The following CHODL variants were observed in gnomAD, a reference collection of about 807,000 sequenced individuals.
CHODL encodes the protein transmembrane protein MT75.
CHODL carries 29 observed loss-of-function variants against 34.5 expected under a neutral mutation model. That is an observed-to-expected ratio of 0.84 (90% CI 0.63 to 1.15). CHODL has a LOEUF of 1.15. Among genes scored for constraint, CHODL ranks in the 50% most tolerant of loss-of-function variants. The pLI is 0.00. For synonymous variants in CHODL, 125 were observed against 116.1 expected, an observed-to-expected ratio of 1.08 and a Z score of -0.49; for missense variants, 332 against 332.5, an observed-to-expected ratio of 1.00 and a Z score of 0.01.
chr21:18,065,550 G>T (rs543714884), intron 2 of CHODL, among the ~76,000 whole-genome samples: 7 of 152,110 alleles, frequency 4.6e-5, no homozygotes, highest in Non-Finnish European at 8.8e-5. Flanking sequence ...TAATAAGAAG[G>T]GAAGGATTTT....
intron 2 of CHODL, among the ~76,000 whole-genome samples, chr21:18,070,918 C>A (rs186744825): frequency 1.3e-5 from 2 of 151,320 alleles, no homozygotes; most frequent in East Asian, 3.9e-4. Context: ...CAATTATGTT[C>A]TCTTCCTGCA....
At chr21:17,967,349 A>G (rs1396180484) in intron 1 of CHODL, among the ~76,000 whole-genome samples, 2 of 152,340 alleles carry the variant, frequency 1.3e-5, no homozygotes, top group African/African-American at 2.4e-5. Flanking sequence ...CTACAAATGT[A>G]TCATCTAAAG....
Position 17,990,445 on chromosome 21 carries a change from G to A in CHODL, c.-144-37427G>A, listed in dbSNP as rs368522823. On this transcript the variant is annotated intron_variant, in intron 1 of 6. Transcript: ENST00000400127. ...TTTTTATATCGTTCTTTCCTGTATA[G>A]AAAATGAGAGAGTTGCCTTTAGCCA... Among the ~76,000 whole-genome samples the A allele has an allele frequency of 2.8e-4, 42 of 152,092 alleles. No individual in the cohort carries two copies. The South Asian group carries it at 8.7e-3, about 32-fold the overall frequency.
intron 1 of CHODL, among the ~76,000 whole-genome samples, chr21:17,950,954 T>G (rs1175343472): frequency 1.3e-5 from 2 of 152,194 alleles, no homozygotes; most frequent in East Asian, 3.8e-4. Context: ...CACAAATTCC[T>G]GTGGTCTGAG....
intron 1 of CHODL, among the ~76,000 whole-genome samples, chr21:18,003,080 C>T (rs995779052): frequency 2.0e-5 from 3 of 149,720 alleles, no homozygotes; most frequent in South Asian, 2.1e-4. Flanking sequence ...GCCGAGATCG[C>T]GCCACTGCAC....
At chr21:18,262,982 T>C in intron 5 of CHODL, 89 bp downstream of exon 5, 1 of 728,588 alleles carries the variant, frequency 1.4e-6, no homozygotes, top group Non-Finnish European at 2.3e-6. Context: ...AAGTTAATTA[T>C]ATTTTAATTT....
At chr21:17,928,025 T>C (rs2063242171) in intron 1 of CHODL, among the ~76,000 whole-genome samples, 1 of 152,244 alleles carries the variant, frequency 6.6e-6, no homozygotes, top group African/African-American at 2.4e-5. Flanking sequence ...TGTTCCATTA[T>C]ATTGAATAGG....
intron 2 of CHODL, among the ~76,000 whole-genome samples, chr21:18,043,023 G>A (rs1014766579): frequency 2.0e-5 from 3 of 151,928 alleles, no homozygotes; most frequent in Admixed American, 2.0e-4. Context: ...CTGTTCTGGA[G>A]AAAAGTCTAC....
chr21:18,246,787 T>A (rs1396004720), intron 1 of CHODL, among the ~76,000 whole-genome samples: 1 of 152,158 alleles, frequency 6.6e-6, no homozygotes, highest in Non-Finnish European at 1.5e-5. Context: ...AAAAATAATA[T>A]CTAAAGTAAA....
At chr21:18,070,035 C>A (rs528454598) in intron 2 of CHODL, among the ~76,000 whole-genome samples, 9 of 77,138 alleles carry the variant, frequency 1.2e-4, no homozygotes, top group East Asian at 5.6e-4. Flanking sequence ...TCCCCCCCCC[C>A]ACCCATTTCC....
At chr21:18,207,088 A>G (rs963888085) in intron 2 of CHODL, among the ~76,000 whole-genome samples, 1 of 151,910 alleles carries the variant, frequency 6.6e-6, no homozygotes, top group Non-Finnish European at 1.5e-5. Context: ...CCTGTGTCCA[A>G]GTGTTCTCAT....
At chr21:18,262,199 C>A (rs1488366050) in intron 4 of CHODL, among the ~76,000 whole-genome samples, 1 of 152,046 alleles carries the variant, frequency 6.6e-6, no homozygotes. Flanking sequence ...CAGATCAGTA[C>A]AATTCAATTT....
chr21:18,137,202 C>T lies in CHODL; in HGVS notation c.-45+109231C>T, dbSNP rs369186004. Among the ~76,000 whole-genome samples, 18 of 152,248 alleles carry T rather than the reference C, an allele frequency of 1.2e-4. No individual in the cohort carries two copies. In the East Asian group the frequency reaches 2.7e-3, roughly 23 times the overall value. ...GAATTGATGTTGTCCAGATACCTCC[C>T]ATTCTGCATTCCTTCTCCTCCTGAT... On this transcript the variant is annotated intron_variant, in intron 2 of 6. Transcript: ENST00000400127.
At chr21:17,950,341 T>C (rs2063445719) in intron 1 of CHODL, among the ~76,000 whole-genome samples, 1 of 151,552 alleles carries the variant, frequency 6.6e-6, no homozygotes, top group Admixed American at 6.6e-5. Flanking sequence ...ACAAAATAGA[T>C]GGAGATTAAG....
At chr21:17,938,660 A>G (rs1015678845) in intron 1 of CHODL, among the ~76,000 whole-genome samples, 3 of 151,724 alleles carry the variant, frequency 2.0e-5, no homozygotes, top group African/African-American at 7.3e-5. Flanking sequence ...TTGTATTTTT[A>G]GTAGAGACGG....
In CHODL at chr21:18,112,206, G is replaced by A. The variant is rs74688736; in HGVS notation, c.-45+84235G>A. On this transcript the variant is annotated intron_variant, in intron 2 of 6. Coordinates refer to the CHODL transcript ENST00000400127. ...GATTGGCATGAATAACAGTTGTGAA[G>A]AGTCAGTTAAGGCTTTATAAAAAAG... Among the ~76,000 whole-genome samples, 626 of 152,166 alleles carry A rather than the reference G, an allele frequency of 4.1e-3. 3 individuals carry two copies. Among genetic ancestry groups the A allele is most frequent in the African/African-American group, 0.014 (597 of 41,522 alleles).
rs139848823 is a variant in CHODL at position 17,918,427 on chromosome 21, T to C, written c.-145+1027T>C. On this transcript the variant is annotated intron_variant, in intron 1 of 6. Transcript: ENST00000400127. ...GGGGTTGAGGGGCTCACAATCATGG[T>C]GGAAGGCAAGAAGGAGCAAGTCATG... Among the ~76,000 whole-genome samples, 1,216 of 152,240 alleles carry C rather than the reference T, an allele frequency of 8.0e-3. 19 individuals are homozygous for C. The highest frequency in any genetic ancestry group is 0.027 in the African/African-American group (1,120 of 41,520).
chr21:18,129,930 CTG>C lies in CHODL; in HGVS notation c.-45+101969_-45+101970del, dbSNP rs1222092191. On this transcript the variant is annotated intron_variant, in intron 2 of 6. Transcript: ENST00000400127. ...TGTGTGTGTGTGTGTGTGTGTGTGT[CTG>C]TGTGTGTGTATGAGCAATTCTAAAA... is the stretch of plus-strand genomic sequence containing the variant. 6.6e-4 allele frequency among the ~76,000 whole-genome samples: 74 copies of C among 112,318 alleles called. 1 individual carries two copies. In the South Asian group the frequency reaches 0.019, roughly 29 times the overall value. 73.7% of individuals were successfully genotyped at this position (112,318 alleles called of 152,430 possible). A position where few individuals can be genotyped will look rare whatever the true frequency, so the allele number is the denominator to read the frequency against.
At chr21:18,096,398 G>GA (rs1471953842) in intron 2 of CHODL, among the ~76,000 whole-genome samples, 1 of 152,188 alleles carries the variant, frequency 6.6e-6, no homozygotes, top group African/African-American at 2.4e-5. Flanking sequence ...GGGCAGAACA[G>GA]AGTCATATTT....
Sources: allele counts gnomAD v4.1 joint callset (sites outside exome capture counted in the v4.1 genomes callset), GRCh38; gene constraint gnomAD v4.1.1; transcripts MANE v1.5; gene names NCBI Gene and HGNC (gene_info 2026-07-23, HGNC 2026-07-21).